The following SLC12A6 variants were observed in gnomAD, a reference collection of about 807,000 sequenced individuals.
The protein encoded by SLC12A6 is K-Cl cotransporter 3.
Under a neutral mutation model 135.3 loss-of-function variants are expected in SLC12A6, and 66 were observed. That is an observed-to-expected ratio of 0.49 (90% CI 0.40 to 0.60). SLC12A6 has a LOEUF of 0.60. SLC12A6 is among the 20% of genes least tolerant of loss of function. The probability of loss-of-function intolerance (pLI) is 0.00; values close to 1 mark genes in which losing one functional copy is unlikely to be tolerated. For synonymous variants in SLC12A6, 513 were observed against 508.8 expected (o/e 1.01, Z -0.11); for missense variants, 1,058 against 1,452.3 (o/e 0.73, Z 4.41).
At chr15:34,329,937 T>TG (rs1416968117) in intron 2 of SLC12A6, among the ~76,000 whole-genome samples, 1 of 151,990 alleles carries the variant, frequency 6.6e-6, no homozygotes, top group East Asian at 1.9e-4. Context: ...TGGGGAGGAG[T>TG]GGGGAGGAAG....
In SLC12A6 at chr15:34,238,261, G is replaced by A; in HGVS notation, c.2773C>T (p.Leu925=). The A allele has an allele frequency of 6.2e-7, 1 of 1,613,456 alleles. No individual in the cohort carries two copies. The highest frequency in any genetic ancestry group is 8.5e-7 in the Non-Finnish European group (1 of 1,179,368). Residue 925 remains leucine, a synonymous_variant, in exon 21 of 26, where the codon CTA becomes TTA. Transcript: ENST00000354181. The part of the protein sequence containing the change: ...WIVHDGGMLM[L]LPFLLKQHKV... ...TGCTGTTTCAGTAGGAATGGTAGTA[G>A]CATAAGCATCCCCCCATCATGCACA...
At chr15:34,296,556 G>C (rs1895888338) in intron 2 of SLC12A6, among the ~76,000 whole-genome samples, 1 of 152,088 alleles carries the variant, frequency 6.6e-6, no homozygotes, top group Non-Finnish European at 1.5e-5. Flanking sequence ...TAATTATCCA[G>C]GGAAGATAAT....
chr15:34,315,485 G>A (rs995416179), intron 2 of SLC12A6, among the ~76,000 whole-genome samples: 3 of 152,118 alleles, frequency 2.0e-5, no homozygotes, highest in Non-Finnish European at 4.4e-5. Context: ...TACTTAGGAA[G>A]CTGAGGCAGG....
chr15:34,330,471 G>C (rs554226060), intron 2 of SLC12A6, among the ~76,000 whole-genome samples: 3 of 151,862 alleles, frequency 2.0e-5, no homozygotes, highest in Non-Finnish European at 4.4e-5. Flanking sequence ...GCAGGAGTTC[G>C]AGACCAGCCT....
At chr15:34,245,440 T>C in intron 14 of SLC12A6, 37 bp from the exon 15 acceptor site, 1 of 1,180,928 alleles carries the variant, frequency 8.5e-7, no homozygotes, top group Non-Finnish European at 1.3e-6. Context: ...ACAGGAGTAC[T>C]GAGTCATTGC....
chr15:34,277,700 T>A (rs347826), intron 2 of SLC12A6, among the ~76,000 whole-genome samples: 5 of 152,114 alleles, frequency 3.3e-5, no homozygotes, highest in African/African-American at 9.7e-5. Context: ...GGAAGTGTTA[T>A]CACATCATTT....
chr15:34,259,768 C>T (rs1257441591), intron 4 of SLC12A6, among the ~76,000 whole-genome samples: 1 of 152,214 alleles, frequency 6.6e-6, no homozygotes, highest in Admixed American at 6.5e-5. Flanking sequence ...AGCCTGGCCA[C>T]AGAGTCCATG....
chr15:34,258,118 T>C (rs1272770078), intron 5 of SLC12A6, among the ~76,000 whole-genome samples: 1 of 152,238 alleles, frequency 6.6e-6, no homozygotes, highest in Non-Finnish European at 1.5e-5. Context: ...TTTTTTCATT[T>C]AAAAACAATA....
At chr15:34,313,828 C>T (rs1343362420) in intron 2 of SLC12A6, among the ~76,000 whole-genome samples, 1 of 151,660 alleles carries the variant, frequency 6.6e-6, no homozygotes, top group African/African-American at 2.4e-5. Flanking sequence ...TACAACAAGC[C>T]AGGTGTAATG....
rs200823199 is a variant in SLC12A6 at position 34,245,941 on chromosome 15, A to AT, written c.1650-75dup. On this transcript the variant is annotated intron_variant, in intron 13 of 25. Coordinates refer to ENST00000354181, the MANE Select transcript of SLC12A6 (RefSeq NM_001365088.1). ...CTGAAAGACTAGAGATATTCACCCA[A>AT]TTTTTTTTTGAGACAGAATCTCACT... The AT allele has an allele frequency of 6.1e-3, 7,208 of 1,188,506 alleles. 43 individuals are homozygous for AT. Among genetic ancestry groups the AT allele is most frequent in the South Asian group, 0.011 (831 of 78,144 alleles). The allele number at this position is 1,188,506 out of a possible 1,614,324, so 73.6% of individuals were successfully genotyped here.
intron 7 of SLC12A6, 67 bp downstream of exon 7, chr15:34,256,162 C>T: frequency 9.8e-7 from 1 of 1,021,012 alleles, no homozygotes; most frequent in Non-Finnish European, 1.6e-6. Flanking sequence ...GTTTGCACCT[C>T]TAGCTTTATA....
intron 2 of SLC12A6, among the ~76,000 whole-genome samples, chr15:34,278,580 TA>T (rs548037656): frequency 7.8e-4 from 119 of 152,274 alleles, no homozygotes; most frequent in East Asian, 2.5e-3. Context: ...CAAGTCCTTT[TA>T]TTTTTTTTGA....
intron 3 of SLC12A6, among the ~76,000 whole-genome samples, chr15:34,267,541 A>G (rs1595465216): frequency 6.6e-6 from 1 of 152,260 alleles, no homozygotes; most frequent in Non-Finnish European, 1.5e-5. Flanking sequence ...TAGCACCTCC[A>G]GTAGTGACTG....
intron 2 of SLC12A6, among the ~76,000 whole-genome samples, chr15:34,310,736 C>CGT: frequency 1.2e-5 from 1 of 80,798 alleles, no homozygotes; most frequent in African/African-American, 6.0e-5. Context: ...TGTGTGTCCC[C>CGT]GTGTCCAGGC....
chr15:34,243,443 C>T (rs1891787000), intron 16 of SLC12A6, among the ~76,000 whole-genome samples: 1 of 152,066 alleles, frequency 6.6e-6, no homozygotes, highest in African/African-American at 2.4e-5. Flanking sequence ...TCATGATGAC[C>T]CCTTCAGGAC....
intron 13 of SLC12A6, among the ~76,000 whole-genome samples, chr15:34,246,852 T>G (rs1366814036): frequency 6.6e-6 from 1 of 152,176 alleles, no homozygotes; most frequent in East Asian, 1.9e-4. Flanking sequence ...GATCTCGCCT[T>G]GTTGCCCAGG....
intron 2 of SLC12A6, among the ~76,000 whole-genome samples, chr15:34,317,107 T>C (rs2141107865): frequency 6.6e-6 from 1 of 152,364 alleles, no homozygotes; most frequent in Admixed American, 6.5e-5. Context: ...AGAATCATAT[T>C]CAAGTTCAAA....
chr15:34,241,350 G>C lies in SLC12A6; in HGVS notation c.2163-13C>G. 1.5e-6 allele frequency: 2 copies of C among 1,378,908 alleles called. No individual in the cohort carries two copies. The highest frequency in any genetic ancestry group is 2.1e-6 in the Non-Finnish European group (2 of 965,140). The allele number at this position is 1,378,908 out of a possible 1,614,324, so 85.4% of individuals were successfully genotyped here. The stretch of plus-strand genomic sequence containing the variant: ...TTCTTTCTCAGCTCTGTGAGAAAAA[G>C]AAAAGAGCAGAGACAAATTTAAACT... On this transcript the variant is annotated splice_polypyrimidine_tract_variant and intron_variant, in intron 17 of 25. Transcript: ENST00000354181.
chr15:34,325,918 A>G (rs1019605606), intron 2 of SLC12A6, among the ~76,000 whole-genome samples: 1 of 152,204 alleles, frequency 6.6e-6, no homozygotes, highest in Admixed American at 6.5e-5. Flanking sequence ...CCAATGCACT[A>G]TAATTAGAGA....
Sources: gnomAD v4.1 joint callset for allele counts (sites outside exome capture counted in the v4.1 genomes callset) on GRCh38, gnomAD v4.1.1 for gene constraint, MANE v1.5 for transcripts, NCBI Gene and HGNC (gene_info 2026-07-23, HGNC 2026-07-21) for gene names.